GALNT13: variants seen among roughly 807,000 people sequenced by gnomAD.
The protein encoded by GALNT13 is polypeptide N-acetylgalactosaminyltransferase 13, also known as UDP-GalNAc:polypeptide N-acetylgalactosaminyltransferase 13.
A neutral mutation model predicts 64.2 loss-of-function variants in GALNT13; 28 were observed. That is an observed-to-expected ratio of 0.44 (90% confidence interval 0.32 to 0.60). The LOEUF is 0.60. GALNT13 is among the 20% of genes least tolerant of loss of function. GALNT13 has a pLI of 0.05. For missense variants in GALNT13, 577 were observed against 669.8 expected (o/e 0.86, Z 1.53); for synonymous variants, 214 against 224.6 (o/e 0.95, Z 0.42).
chr2:153,197,788 C>G, the GALNT13 span, among the ~76,000 whole-genome samples: 1 of 152,200 alleles, frequency 6.6e-6, no homozygotes, highest in African/African-American at 2.4e-5. Context: ...GTTACAAGCT[C>G]TAGGTACCAC....
At chr2:153,355,388 T>C in the GALNT13 span, among the ~76,000 whole-genome samples, 13 of 152,216 alleles carry the variant, frequency 8.5e-5, no homozygotes, top group African/African-American at 3.1e-4. Context: ...TGCCCTCCCA[T>C]AATTAATCTC....
the GALNT13 span, among the ~76,000 whole-genome samples, chr2:153,665,940 C>T: frequency 6.6e-6 from 1 of 152,064 alleles, no homozygotes; most frequent in Non-Finnish European, 1.5e-5. Context: ...GATGCCCATC[C>T]CTCAATGCTT....
At chr2:154,435,026 C>T (rs1700888303) in intron 11 of GALNT13, among the ~76,000 whole-genome samples, 1 of 152,146 alleles carries the variant, frequency 6.6e-6, no homozygotes, top group Admixed American at 6.5e-5. Context: ...GATTGTTTTT[C>T]CCTGCTTCTA....
At chr2:154,378,551 G>A (rs568786381) in intron 9 of GALNT13, among the ~76,000 whole-genome samples, 96 of 152,196 alleles carry the variant, frequency 6.3e-4, no homozygotes, top group African/African-American at 2.2e-3. Flanking sequence ...AATGCAGACC[G>A]CAGATTGGTT....
At chr2:153,338,963 T>C in the GALNT13 span, among the ~76,000 whole-genome samples, 11 of 152,346 alleles carry the variant, frequency 7.2e-5, no homozygotes, top group South Asian at 2.3e-3. Context: ...CAGAATTTCA[T>C]TTTTTAAGGC....
chr2:153,605,795 C>T, the GALNT13 span, among the ~76,000 whole-genome samples: 2 of 152,068 alleles, frequency 1.3e-5, no homozygotes, highest in African/African-American at 4.8e-5. Context: ...AATAACATTG[C>T]TATGTTTGAA....
chr2:153,149,455 G>T, the GALNT13 span, among the ~76,000 whole-genome samples: 1 of 151,858 alleles, frequency 6.6e-6, no homozygotes, highest in Non-Finnish European at 1.5e-5. Flanking sequence ...GAAGTCACTT[G>T]TGTGATTTCC....
At chr2:153,799,817 A>G in the GALNT13 span, among the ~76,000 whole-genome samples, 2 of 152,108 alleles carry the variant, frequency 1.3e-5, no homozygotes, top group Admixed American at 1.3e-4. Flanking sequence ...TATGTACCAT[A>G]GGGCCCGGTC....
At chr2:154,445,965 G>A (rs1047452590) in intron 12 of GALNT13, 3 of 475,166 alleles carry the variant, frequency 6.3e-6, no homozygotes, top group Admixed American at 5.6e-5. Flanking sequence ...TAGATTAAGA[G>A]TTAATCTTTT....
At chr2:153,278,081 C>A in the GALNT13 span, among the ~76,000 whole-genome samples, 1 of 151,286 alleles carries the variant, frequency 6.6e-6, no homozygotes. Flanking sequence ...CGCCCGCCAC[C>A]ACTCCCAGCT....
chr2:154,080,312 A>C (rs1435307602), intron 3 of GALNT13, among the ~76,000 whole-genome samples: 1 of 151,666 alleles, frequency 6.6e-6, no homozygotes, highest in Admixed American at 6.6e-5. Flanking sequence ...GAGAGGGAGA[A>C]GTAAAAGGAA....
chr2:153,571,067 T>C, the GALNT13 span, among the ~76,000 whole-genome samples: 1 of 152,024 alleles, frequency 6.6e-6, no homozygotes, highest in Non-Finnish European at 1.5e-5. Context: ...ATTTTAACAA[T>C]ATTGATTCTT....
chr2:153,520,075 T>C, the GALNT13 span, among the ~76,000 whole-genome samples: 1 of 152,170 alleles, frequency 6.6e-6, no homozygotes, highest in Non-Finnish European at 1.5e-5. Context: ...CTATTAAACA[T>C]ATGATGATGT....
At chr2:153,553,868 G>T in the GALNT13 span, among the ~76,000 whole-genome samples, 1 of 152,062 alleles carries the variant, frequency 6.6e-6, no homozygotes, top group Non-Finnish European at 1.5e-5. Context: ...GGCTACAGGG[G>T]CTCTGCGGAG....
At chr2:153,624,267 C>G in the GALNT13 span, among the ~76,000 whole-genome samples, 1 of 152,064 alleles carries the variant, frequency 6.6e-6, no homozygotes, top group Non-Finnish European at 1.5e-5. Context: ...CTCTAGGAGC[C>G]TATTTCTGTG....
chr2:153,536,836 A>C, the GALNT13 span, among the ~76,000 whole-genome samples: 1 of 152,272 alleles, frequency 6.6e-6, no homozygotes, highest in Non-Finnish European at 1.5e-5. Context: ...TGAAAATAAG[A>C]TACAATTATT....
the GALNT13 span, among the ~76,000 whole-genome samples, chr2:153,533,798 TC>T: frequency 2.1e-5 from 3 of 145,168 alleles, no homozygotes; most frequent in Admixed American, 1.4e-4. Context: ...CAGATTTTTT[TC>T]CTCAGTTATA....
At chr2:153,126,403 G>C in the GALNT13 span, among the ~76,000 whole-genome samples, 5 of 146,208 alleles carry the variant, frequency 3.4e-5, no homozygotes, top group African/African-American at 1.3e-4. Context: ...TAATAATAAA[G>C]AACGAATAAA....
intron 12 of GALNT13, chr2:154,446,838 CTT>C: frequency 7.2e-7 from 1 of 1,385,914 alleles, no homozygotes; most frequent in Non-Finnish European, 9.4e-7. Context: ...CTGGAAACTC[CTT>C]TAAAATGTGG....
Sources: gnomAD v4.1 joint callset for allele counts (sites outside exome capture counted in the v4.1 genomes callset) on GRCh38, gnomAD v4.1.1 for gene constraint, MANE v1.5 for transcripts, NCBI Gene and HGNC (gene_info 2026-07-23, HGNC 2026-07-21) for gene names.